MED15: variants seen among roughly 807,000 people sequenced by gnomAD.
MED15 encodes the protein mediator complex subunit 15, also known as mediator of RNA polymerase II transcription subunit 15.
A neutral mutation model predicts 118.7 loss-of-function variants in MED15; 41 were observed. The ratio of observed to expected loss-of-function variants is 0.35; its 90% confidence interval spans 0.27 to 0.45. The LOEUF is 0.45. Ranked by LOEUF, MED15 falls within the 20% of genes least tolerant of loss-of-function variation. MED15 has a pLI of 1.00. For missense variants in MED15, 740 were observed against 1,025.5 expected (o/e 0.72, Z 3.80); for synonymous variants, 436 against 413.9 (o/e 1.05, Z -0.65).
intron 1 of MED15, among the ~76,000 whole-genome samples, chr22:20,509,582 G>C (rs568999114): frequency 3.4e-4 from 52 of 151,942 alleles, no homozygotes; most frequent in African/African-American, 1.2e-3. Context: ...CTGGATGGAG[G>C]GGGGTGGGGT....
At chr22:20,545,473 C>CAAAAAAAAAAAAAAAA (rs56307139) in intron 2 of MED15, among the ~76,000 whole-genome samples, 12 of 90,150 alleles carry the variant, frequency 1.3e-4, no homozygotes, top group Non-Finnish European at 1.8e-4. Flanking sequence ...GACTCCACCT[C>CAAAAAAAAAAAAAAAA]AAAAAAAAAA....
intron 6 of MED15, 133 bp downstream of exon 6, chr22:20,564,821 C>G: frequency 7.0e-7 from 1 of 1,438,030 alleles, no homozygotes; most frequent in Admixed American, 2.1e-5. Context: ...TGCCCTTTTC[C>G]ATGGGCTTCT....
intron 8 of MED15, among the ~76,000 whole-genome samples, chr22:20,571,540 T>A (rs2056662744): frequency 6.6e-6 from 1 of 152,252 alleles, no homozygotes; most frequent in African/African-American, 2.4e-5. Flanking sequence ...AGTCCAGATG[T>A]GGCACCTTGA....
intron 8 of MED15, among the ~76,000 whole-genome samples, chr22:20,570,348 C>T (rs1480857958): frequency 1.3e-5 from 2 of 151,738 alleles, no homozygotes; most frequent in African/African-American, 4.8e-5. Flanking sequence ...GCAGGTCAAG[C>T]CCAGCAGGAA....
At chr22:20,551,727 G>A (rs1230666163) in intron 3 of MED15, 1 of 565,424 alleles carries the variant, frequency 1.8e-6, no homozygotes, top group African/African-American at 1.9e-5. Context: ...CCTCAAAGTG[G>A]TCTAAACGGG....
rs1044398098 is a variant in MED15 at position 20,583,100 on chromosome 22, C to T, written c.1538-13C>T. ...GGTCGAGGGCTGTGGCCTCACCCGC[C>T]TGTGTCCTGCAGTGAACCCCAGCTC... On this transcript the variant is annotated splice_polypyrimidine_tract_variant and intron_variant, in intron 11 of 17. Coordinates refer to ENST00000263205, the MANE Select transcript of MED15 (RefSeq NM_001003891.3). 6.3e-7 allele frequency: 1 copy of T among 1,578,290 alleles called. No homozygotes were observed. Among genetic ancestry groups the T allele is most frequent in the Non-Finnish European group, 8.6e-7 (1 of 1,160,518 alleles).
chr22:20,568,402 C>T, intron 7 of MED15, 119 bp from the exon 8 acceptor site: 1 of 1,427,130 alleles, frequency 7.0e-7, no homozygotes, highest in Non-Finnish European at 9.4e-7. Flanking sequence ...CACATGAGGT[C>T]ATGAAAGTCC....
intron 5 of MED15, among the ~76,000 whole-genome samples, 153 bp from the exon 6 acceptor site, chr22:20,564,297 A>G (rs540765661): frequency 2.0e-4 from 30 of 152,358 alleles, no homozygotes; most frequent in African/African-American, 6.7e-4. Flanking sequence ...TTCGTATTCT[A>G]TCTTTCTGTC....
rs1396528161 is a variant in MED15 at position 20,568,647 on chromosome 22, T to G, written c.1152+16T>G. The G allele has an allele frequency of 3.7e-6, 6 of 1,610,036 alleles. No homozygotes were observed. Among genetic ancestry groups the G allele is most frequent in the Non-Finnish European group, 5.1e-6 (6 of 1,178,718 alleles). On this transcript the variant is annotated intron_variant, in intron 8 of 17. Transcript: ENST00000263205. ...CGGAGTCCAGGTGAGGGCCTGGGGG[T>G]GGAGGGCTCCATAGTCATCAGCAGG...
intron 5 of MED15, among the ~76,000 whole-genome samples, chr22:20,562,479 G>A (rs1177857127): frequency 6.6e-6 from 1 of 152,090 alleles, no homozygotes; most frequent in Non-Finnish European, 1.5e-5. Context: ...CTGCCTCCCG[G>A]GTTCAAGCAA....
chr22:20,585,698 A>G (rs1163321063), intron 16 of MED15, 30 bp from the exon 17 acceptor site: 1 of 1,600,978 alleles, frequency 6.2e-7, no homozygotes, highest in African/African-American at 1.3e-5. Context: ...GGGCTTGTCC[A>G]GGTCACAGAT....
At chr22:20,556,436 G>T (rs531254225) in intron 5 of MED15, among the ~76,000 whole-genome samples, 80 of 152,106 alleles carry the variant, frequency 5.3e-4, no homozygotes, top group Non-Finnish European at 6.3e-4. Context: ...GACTACCTGG[G>T]ACTACAGGCG....
At chr22:20,551,081 C>G (rs905305598) in intron 2 of MED15, 4 of 518,898 alleles carry the variant, frequency 7.7e-6, no homozygotes, top group South Asian at 6.2e-5. Context: ...GGCCTTGTGC[C>G]CTCAGGCCAG....
chr22:20,544,298 T>C (rs1029230785), intron 2 of MED15, among the ~76,000 whole-genome samples: 2 of 152,196 alleles, frequency 1.3e-5, no homozygotes, highest in Admixed American at 6.5e-5. Context: ...TTAGGCACCC[T>C]ACTCCTGGTA....
At position 20,582,977 on chromosome 22, in the gene MED15, G is replaced by T; in HGVS notation, c.1537+10G>T. The T allele has an allele frequency of 3.7e-6, 6 of 1,611,780 alleles. No homozygotes were observed. The highest frequency in any genetic ancestry group is 5.1e-6 in the Non-Finnish European group (6 of 1,178,930). On this transcript the variant is annotated intron_variant, in intron 11 of 17. Coordinates refer to ENST00000263205, the MANE Select transcript of MED15 (RefSeq NM_001003891.3). The stretch of plus-strand genomic sequence containing the variant: ...CCTTTAAACACACCTGGTAAGTTGG[G>T]CCTGAGGTGCTAAGGTCACTCCTCA...
chr22:20,564,337 G>A (rs2056353356), intron 5 of MED15, 113 bp from the exon 6 acceptor site: 12 of 1,524,316 alleles, frequency 7.9e-6, no homozygotes, highest in African/African-American at 1.4e-5. Context: ...AGATTCCAGC[G>A]GCAGCCGTGG....
intron 1 of MED15, among the ~76,000 whole-genome samples, chr22:20,528,354 G>A (rs768420621): frequency 6.6e-6 from 1 of 152,152 alleles, no homozygotes; most frequent in Admixed American, 6.5e-5. Flanking sequence ...TCTACAGACC[G>A]GCAGATGAGG....
At chr22:20,555,891 T>C (rs2055982757) in intron 5 of MED15, among the ~76,000 whole-genome samples, 1 of 152,170 alleles carries the variant, frequency 6.6e-6, no homozygotes. Context: ...CCGGCTAATA[T>C]TTTGTATTTT....
At chr22:20,563,913 T>C (rs1222484589) in intron 5 of MED15, among the ~76,000 whole-genome samples, 2 of 152,214 alleles carry the variant, frequency 1.3e-5, no homozygotes, top group Non-Finnish European at 2.9e-5. Flanking sequence ...GAAAATCTTG[T>C]AATTGACTGT....
Sources: allele counts gnomAD v4.1 joint callset (sites outside exome capture counted in the v4.1 genomes callset), GRCh38; gene constraint gnomAD v4.1.1; transcripts MANE v1.5; gene names NCBI Gene and HGNC (gene_info 2026-07-23, HGNC 2026-07-21).